The following CFAP92 variants were observed in gnomAD, a reference collection of about 807,000 sequenced individuals.
CFAP92 encodes the protein uncharacterized protein CFAP92.
Under a neutral mutation model 106.3 loss-of-function variants are expected in CFAP92, and 86 were observed. That is an observed-to-expected ratio of 0.81 (90% CI 0.68 to 0.97). The LOEUF is 0.97. Ranked by LOEUF, CFAP92 falls within the 50% of genes least tolerant of loss-of-function variation. The pLI, the probability that CFAP92 is intolerant of heterozygous loss-of-function variation, is 0.00. For missense variants in CFAP92, 1,204 were observed against 1,283.8 expected (o/e 0.94, Z 0.95); for synonymous variants, 477 against 506.4 (o/e 0.94, Z 0.78).
intron 15 of CFAP92, among the ~76,000 whole-genome samples, chr3:128,912,085 C>T (rs1018417356): frequency 8.5e-5 from 13 of 152,140 alleles, no homozygotes; most frequent in Admixed American, 5.9e-4. Context: ...TGGGTGTAGG[C>T]GCCAGCACTG....
intron 7 of CFAP92, among the ~76,000 whole-genome samples, chr3:128,971,983 G>A (rs979643121): frequency 5.3e-5 from 8 of 152,140 alleles, no homozygotes; most frequent in Non-Finnish European, 1.0e-4. Context: ...TAAATCTACG[G>A]TCATCAAGAC....
intron 3 of CFAP92, 149 bp from the exon 4 acceptor site, chr3:128,987,978 A>C: frequency 1.6e-6 from 1 of 643,722 alleles, no homozygotes. Flanking sequence ...GAGCTCAGGG[A>C]AAATGGGGCG....
chr3:128,998,186 T>G (rs1944551822), upstream of CFAP92, among the ~76,000 whole-genome samples: 1 of 152,242 alleles, frequency 6.6e-6, no homozygotes, highest in Non-Finnish European at 1.5e-5. Flanking sequence ...CATTGTAAAT[T>G]CGGAATATAA....
At chr3:129,021,923 G>A in the CFAP92 span, among the ~76,000 whole-genome samples, 10 of 151,898 alleles carry the variant, frequency 6.6e-5, no homozygotes, top group African/African-American at 2.2e-4. Context: ...GGCATATTAC[G>A]TATTCAGCTC....
intron 10 of CFAP92, among the ~76,000 whole-genome samples, chr3:128,941,464 C>T (rs908700814): frequency 3.3e-5 from 5 of 152,068 alleles, no homozygotes; most frequent in Admixed American, 2.0e-4. Context: ...TTCAATATCA[C>T]TCTGCAAATT....
chr3:128,998,409 T>C (rs578227239), upstream of CFAP92, among the ~76,000 whole-genome samples: 1 of 152,266 alleles, frequency 6.6e-6, no homozygotes, highest in East Asian at 1.9e-4. Context: ...AAGCTTGGTG[T>C]CTGAACACTA....
chr3:128,915,506 G>A lies in CFAP92; in HGVS notation c.2974C>T (p.Leu992=), dbSNP rs1382760482. ...TTCTTCTCCTCTTCCTTCAAGTCCA[G>A]GGGCTCCACCATGGCTGAGAGGTAA... is the stretch of plus-strand genomic sequence containing the variant. The part of the protein sequence containing the change: ...QDYLSAMVEP[L]DLKEEEKKAQ... Residue 992 remains leucine (L), a synonymous_variant, in exon 14 of 16, where the codon CTG becomes TTG. Coordinates refer to ENST00000645291, the MANE Select transcript of CFAP92 (RefSeq NM_001394090.1). The A allele has an allele frequency of 6.5e-7, 1 of 1,535,972 alleles. No homozygotes were observed. The highest frequency in any genetic ancestry group is 8.7e-7 in the Non-Finnish European group (1 of 1,146,842).
intron 15 of CFAP92, among the ~76,000 whole-genome samples, chr3:128,911,367 A>T (rs1936295642): frequency 6.6e-6 from 1 of 150,992 alleles, no homozygotes; most frequent in Admixed American, 6.6e-5. Flanking sequence ...CTGCCAAGGC[A>T]ATTTTAGATT....
intron 15 of CFAP92, chr3:128,910,879 G>A: frequency 6.4e-7 from 1 of 1,565,848 alleles, no homozygotes; most frequent in Non-Finnish European, 8.8e-7. Context: ...ATGGTGAGCT[G>A]TTTCTGGACC....
At chr3:128,933,579 A>G (rs9848050) in intron 11 of CFAP92, among the ~76,000 whole-genome samples, 13,034 of 152,260 alleles carry the variant, frequency 0.086, 1,533 homozygotes, top group African/African-American at 0.27. Context: ...ACTGTGCGGT[A>G]GGTGCCTGCC....
chr3:128,945,675 G>A lies in CFAP92; in HGVS notation c.1654C>T (p.Pro552Ser). Reference sequence around the variant, plus strand: ...CACATCTTGTTCTGGGACTCAAAGGGGTTGTTCTCTGTCTCTCTGGGAGAG... The same window carrying A: ...CACATCTTGTTCTGGGACTCAAAGGAGTTGTTCTCTGTCTCTCTGGGAGAG... ...LISPRETENN[P>S]FESQNKMWYP... The change falls in exon 10 of 16, where the codon CCC (proline) becomes TCC (serine). Residue 552 changes from proline (P) to serine (S), a missense_variant. By Grantham distance (74) the Pro-to-Ser change is moderately conservative (BLOSUM62 -1). Coordinates refer to ENST00000645291, the MANE Select transcript of CFAP92 (RefSeq NM_001394090.1). The A allele has an allele frequency of 6.5e-7, 1 of 1,536,128 alleles. No individual in the cohort carries two copies. The highest frequency in any genetic ancestry group is 8.7e-7 in the Non-Finnish European group (1 of 1,146,918).
the CFAP92 span, among the ~76,000 whole-genome samples, chr3:129,011,262 C>T: frequency 6.5e-4 from 99 of 152,244 alleles, no homozygotes; most frequent in South Asian, 1.2e-3. Context: ...AATATTGGAA[C>T]GTATTGGACA....
chr3:128,919,610 C>G (rs958128191), intron 12 of CFAP92, among the ~76,000 whole-genome samples: 8 of 152,158 alleles, frequency 5.3e-5, no homozygotes, highest in Admixed American at 1.3e-4. Flanking sequence ...GTCCAAGAAT[C>G]TGGAGAAAAG....
upstream of CFAP92, among the ~76,000 whole-genome samples, chr3:128,998,813 T>C (rs866455219): frequency 2.9e-4 from 44 of 152,320 alleles, no homozygotes; most frequent in Admixed American, 3.9e-4. Flanking sequence ...ATGGCGCCCT[T>C]TCCACTGTGC....
At chr3:129,009,872 T>TG in the CFAP92 span, among the ~76,000 whole-genome samples, 1 of 152,216 alleles carries the variant, frequency 6.6e-6, no homozygotes, top group African/African-American at 2.4e-5. Flanking sequence ...GGGGGGACTC[T>TG]GTAACCTCGC....
chr3:129,002,470 C>T, intron 1 of CFAP92: 1 of 1,355,460 alleles, frequency 7.4e-7, no homozygotes, highest in Non-Finnish European at 9.5e-7. Flanking sequence ...CATCAGCACA[C>T]TTGCATCTTG....
chr3:128,916,957 T>A (rs1013191952), intron 12 of CFAP92, among the ~76,000 whole-genome samples: 1 of 152,178 alleles, frequency 6.6e-6, no homozygotes, highest in Non-Finnish European at 1.5e-5. Context: ...CTTTAAAAAA[T>A]TTTTTAGCAC....
chr3:128,911,400 G>A (rs980379935), intron 15 of CFAP92, among the ~76,000 whole-genome samples: 5 of 152,024 alleles, frequency 3.3e-5, no homozygotes, highest in Admixed American at 2.0e-4. Flanking sequence ...AGCCCTTTGC[G>A]CAGGACCCCT....
upstream of CFAP92, among the ~76,000 whole-genome samples, chr3:129,006,842 G>A (rs1945096090): frequency 6.6e-6 from 1 of 152,138 alleles, no homozygotes; most frequent in Non-Finnish European, 1.5e-5. Context: ...CATTTTCTGT[G>A]GTCAAAGTTT....
Sources: gnomAD v4.1 joint callset for allele counts (sites outside exome capture counted in the v4.1 genomes callset) on GRCh38, gnomAD v4.1.1 for gene constraint, MANE v1.5 for transcripts, NCBI Gene and HGNC (gene_info 2026-07-23, HGNC 2026-07-21) for gene names.